DYNC1LI1: variants seen among roughly 807,000 people sequenced by gnomAD.
The protein encoded by DYNC1LI1 is cytoplasmic dynein 1 light intermediate chain 1.
Under a neutral mutation model 63.8 loss-of-function variants are expected in DYNC1LI1, and 19 were observed. The observed-to-expected ratio is 0.30, with a 90% CI of 0.21 to 0.44. DYNC1LI1 has a LOEUF of 0.44. Among genes scored for constraint, DYNC1LI1 ranks in the 20% least tolerant of loss-of-function variants. The pLI is 1.00. For synonymous variants in DYNC1LI1, 225 were observed against 232.3 expected, an observed-to-expected ratio of 0.97 and a Z score of 0.28; for missense variants, 565 against 630.2, an observed-to-expected ratio of 0.90 and a Z score of 1.11.
chr3:32,545,863 T>C lies in DYNC1LI1; in HGVS notation c.323A>G (p.Asp108Gly). ...ATGACACTCACCATCCCTGTCTTCA[T>C]CATGCACATTTAAGTACAAATATTC... The part of the protein sequence containing the change: ...GLEYLYLNVH[D>G]EDRDDQTRCN... The change falls in exon 3 of 13, where the codon GAT becomes GGT. Residue 108 changes from aspartate to glycine, a missense_variant. Coordinates refer to ENST00000273130, the MANE Select transcript of DYNC1LI1 (RefSeq NM_016141.4). The C allele has an allele frequency of 6.2e-7, 1 of 1,605,740 alleles. No homozygotes were observed. Among genetic ancestry groups the C allele is most frequent in the East Asian group, 2.2e-5 (1 of 44,784 alleles).
chr3:32,547,743 TA>T lies in DYNC1LI1; in HGVS notation c.221-1779del, dbSNP rs570430512. 1.1e-4 allele frequency among the ~76,000 whole-genome samples: 16 copies of T among 152,182 alleles called. No individual in the cohort carries two copies. The East Asian group carries it at 3.1e-3, about 29-fold the overall frequency. On this transcript the variant is annotated intron_variant, in intron 2 of 12. Transcript: ENST00000273130. ...AATAAGTGTAACCTTAAATAGGTAA[TA>T]AAAAAGGTGACAGTAAGAAATCCAA... is the stretch of plus-strand genomic sequence containing the variant.
chr3:32,544,164 G>A (rs964290361), intron 4 of DYNC1LI1, among the ~76,000 whole-genome samples: 2 of 152,134 alleles, frequency 1.3e-5, no homozygotes, highest in Admixed American at 6.6e-5. Flanking sequence ...ACATAGGCAT[G>A]TACAAAATAT....
At chr3:32,527,656 T>C (rs1342442717) in intron 12 of DYNC1LI1, among the ~76,000 whole-genome samples, 1 of 152,170 alleles carries the variant, frequency 6.6e-6, no homozygotes, top group African/African-American at 2.4e-5. Context: ...TAATTCCACT[T>C]AGGTATTTAC....
chr3:32,529,727 G>A, intron 10 of DYNC1LI1, 67 bp from the exon 11 acceptor site: 3 of 1,397,700 alleles, frequency 2.1e-6, no homozygotes, highest in South Asian at 1.4e-5. Flanking sequence ...AGTTATTATT[G>A]TAAAAAGAAA....
chr3:32,550,137 C>A (rs896614574), intron 2 of DYNC1LI1, among the ~76,000 whole-genome samples: 2 of 152,096 alleles, frequency 1.3e-5, no homozygotes, highest in Non-Finnish European at 2.9e-5. Flanking sequence ...TTCATGACAT[C>A]AAAAATACTA....
In DYNC1LI1 at chr3:32,529,815, T is replaced by G. The variant is rs1171233239; in HGVS notation, c.1186-155A>C. Among the ~76,000 whole-genome samples the G allele has an allele frequency of 3.9e-5, 6 of 152,228 alleles. No individual in the cohort carries two copies. The East Asian group carries it at 1.2e-3, about 29-fold the overall frequency. ...GACAAAATTGTTAGCAATCCTGTCC[T>G]CATTATTAGAGAATGCCAGACAGAG... On this transcript the variant is annotated intron_variant, in intron 10 of 12. Transcript: ENST00000273130.
chr3:32,566,760 C>A lies in DYNC1LI1; in HGVS notation c.220+3586G>T, dbSNP rs533198420. On this transcript the variant is annotated intron_variant, in intron 2 of 12. Coordinates refer to ENST00000273130, the MANE Select transcript of DYNC1LI1 (RefSeq NM_016141.4). ...TCTCAAAAACAAACAAACAAACAAA[C>A]AAAAAAACAAATATAATCAATTGTA... is the stretch of plus-strand genomic sequence containing the variant. The A allele has an allele frequency of 2.4e-4, 100 of 422,800 alleles. No homozygotes were observed. The East Asian group carries it at 4.0e-3, about 17-fold the overall frequency. 26.2% of individuals were successfully genotyped at this position (422,800 alleles called of 1,614,324 possible). A position where few individuals can be genotyped will look rare whatever the true frequency, so the allele number is the denominator to read the frequency against.
rs758138813 is a variant in DYNC1LI1 at position 32,570,421 on chromosome 3, T to TA, written c.147-3dup. 6.3e-7 allele frequency: 1 copy of TA among 1,597,998 alleles called. No homozygotes were observed. The highest frequency in any genetic ancestry group is 1.3e-5 in the African/African-American group (1 of 74,144). On this transcript the variant is annotated splice_region_variant and splice_polypyrimidine_tract_variant and intron_variant, in intron 1 of 12. Coordinates refer to ENST00000273130, the MANE Select transcript of DYNC1LI1 (RefSeq NM_016141.4). ...GAGACCTCGCTGAGGATGCAGGACC[T>TA]AACGGGAAGCAAGGCGTACGGTGAG... is the stretch of plus-strand genomic sequence containing the variant.
intron 2 of DYNC1LI1, among the ~76,000 whole-genome samples, chr3:32,561,762 G>A (rs1698197607): frequency 1.3e-5 from 2 of 151,552 alleles, no homozygotes; most frequent in South Asian, 4.2e-4. Context: ...GGAAAATGAG[G>A]TATAACAATA....
intron 5 of DYNC1LI1, among the ~76,000 whole-genome samples, chr3:32,538,021 AATTTATATATATAATATATATATAT>A: frequency 2.8e-4 from 7 of 25,338 alleles, no homozygotes; most frequent in African/African-American, 2.0e-3. Context: ...ATATATATAT[AATTTATATATATAATATATATATAT>A]AATTATATAT....
chr3:32,570,342 T>C lies in DYNC1LI1; in HGVS notation c.220+4A>G, dbSNP rs994700110. ...CGGGGCGGGGCGAGGCAGGGAACAC[T>C]TACCCAGCAGTAGCACGTTCTTCCC... On this transcript the variant is annotated splice_donor_region_variant and intron_variant, in intron 2 of 12. Coordinates refer to ENST00000273130, the MANE Select transcript of DYNC1LI1 (RefSeq NM_016141.4). 1 of 1,596,402 alleles carries C rather than the reference T, an allele frequency of 6.3e-7. No homozygotes were observed. The highest frequency in any genetic ancestry group is 1.3e-5 in the African/African-American group (1 of 74,662).
At chr3:32,537,987 A>T (rs1280573993) in intron 5 of DYNC1LI1, among the ~76,000 whole-genome samples, 2 of 64,216 alleles carry the variant, frequency 3.1e-5, no homozygotes, top group Non-Finnish European at 5.1e-5. Context: ...TATATAATAT[A>T]TATATATAAT....
At position 32,526,599 on chromosome 3, in the gene DYNC1LI1, T is replaced by C. The variant is rs1697621407; in HGVS notation, c.*200A>G. ...AAAATGGCAATGCAAACAGCAATCC[T>C]ACATAATGTAGAATAATTTTTCTTC... On this transcript the variant is annotated 3_prime_UTR_variant, in exon 13 of 13. Coordinates refer to ENST00000273130, the MANE Select transcript of DYNC1LI1 (RefSeq NM_016141.4). 2 of 423,262 alleles carry C rather than the reference T, an allele frequency of 4.7e-6. No individual in the cohort carries two copies. The highest frequency in any genetic ancestry group is 4.3e-6 in the Non-Finnish European group (1 of 233,436). 26.2% of individuals were successfully genotyped at this position (423,262 alleles called of 1,614,324 possible).
chr3:32,557,848 G>A (rs574996806), intron 2 of DYNC1LI1, among the ~76,000 whole-genome samples: 4 of 152,214 alleles, frequency 2.6e-5, no homozygotes, highest in African/African-American at 9.6e-5. Flanking sequence ...AATAGTTAAC[G>A]ATCTGTAAAC....
intron 2 of DYNC1LI1, among the ~76,000 whole-genome samples, chr3:32,558,403 TAAAAAAAAAA>T (rs533076265): frequency 1.1e-5 from 1 of 90,392 alleles, no homozygotes; most frequent in Non-Finnish European, 2.1e-5. Flanking sequence ...TTTAAAAATG[TAAAAAAAAAA>T]AAAAAAAAAA....
Position 32,533,034 on chromosome 3 carries a change from T to C in DYNC1LI1, c.1032A>G (p.Lys344=). The C allele has an allele frequency of 6.2e-7, 1 of 1,604,426 alleles. No homozygotes were observed. Among genetic ancestry groups the C allele is most frequent in the Non-Finnish European group, 8.5e-7 (1 of 1,177,986 alleles). ...TGATGTCTTCAAAATTATCTTCTGC[T>C]TTTAATGTTTGAAAATTTTCATGTA... The part of the protein sequence containing the change: ...GILHENFQTL[K]AEDNFEDIIT... The change falls in exon 8 of 13, where the codon AAA becomes AAG. Residue 344 remains lysine (K), a synonymous_variant. Coordinates refer to ENST00000273130, the MANE Select transcript of DYNC1LI1 (RefSeq NM_016141.4).
At chr3:32,555,606 C>A (rs1698104462) in intron 2 of DYNC1LI1, among the ~76,000 whole-genome samples, 1 of 152,132 alleles carries the variant, frequency 6.6e-6, no homozygotes, top group Non-Finnish European at 1.5e-5. Context: ...ATTAACACAC[C>A]ACTTATAAGT....
At chr3:32,551,761 G>A (rs983593948) in intron 2 of DYNC1LI1, among the ~76,000 whole-genome samples, 1 of 152,204 alleles carries the variant, frequency 6.6e-6, no homozygotes, top group Non-Finnish European at 1.5e-5. Flanking sequence ...TATAACTTCA[G>A]AAACACCATC....
intron 2 of DYNC1LI1, among the ~76,000 whole-genome samples, chr3:32,546,269 G>A (rs950758856): frequency 2.6e-5 from 4 of 152,270 alleles, no homozygotes; most frequent in East Asian, 1.9e-4. Context: ...TTAGTCAGGC[G>A]TGGTGGTGCA....
Sources: gnomAD v4.1 joint callset for allele counts (sites outside exome capture counted in the v4.1 genomes callset) on GRCh38, gnomAD v4.1.1 for gene constraint, MANE v1.5 for transcripts, NCBI Gene and HGNC (gene_info 2026-07-23, HGNC 2026-07-21) for gene names.